Variants in RASSF6 observed in about 807,000 individuals in gnomAD.
RASSF6 encodes Ras association domain family member 6.
Under a neutral mutation model 44.0 loss-of-function variants are expected in RASSF6, and 52 were observed. The observed-to-expected ratio is 1.18, with a 90% CI of 0.95 to 1.49. The LOEUF (loss-of-function observed/expected upper bound fraction) is 1.49. Ranked by LOEUF, RASSF6 falls within the 40% of genes most tolerant of loss-of-function variation. The pLI, the probability that RASSF6 is intolerant of heterozygous loss-of-function variation, is 0.00. For synonymous variants in RASSF6, 162 were observed against 124.6 expected, an observed-to-expected ratio of 1.30 and a Z score of -2.00; for missense variants, 464 against 393.3, an observed-to-expected ratio of 1.18 and a Z score of -1.52.
At chr4:73,612,923 A>G (rs1215155815) in intron 1 of RASSF6, among the ~76,000 whole-genome samples, 2 of 152,126 alleles carry the variant, frequency 1.3e-5, no homozygotes, top group Admixed American at 6.5e-5. Flanking sequence ...CTTCAACACC[A>G]GGCCTTGTAA....
In RASSF6 at chr4:73,585,223, T is replaced by C. The variant is rs1394102721; in HGVS notation, c.524A>G (p.Gln175Arg). ...KPLMMDRKER[Q>R]KNRASINGHF... is the part of the protein sequence containing the mutation. Reference sequence around the variant, plus strand: ...TCCATTAATAGAGGCTCTATTTTTCTGTCTTTCTTTTCTGTCCATCATCAG... The same window carrying C: ...TCCATTAATAGAGGCTCTATTTTTCCGTCTTTCTTTTCTGTCCATCATCAG... Residue 175 changes from glutamine to arginine, a missense_variant, in exon 6 of 11, where the codon CAG becomes CGG. By Grantham distance (43) the Gln-to-Arg change is conservative. Transcript: ENST00000307439. 6.2e-7 allele frequency: 1 copy of C among 1,611,692 alleles called. No individual in the cohort carries two copies. The highest frequency in any genetic ancestry group is 1.7e-5 in the Admixed American group (1 of 59,672).
intron 4 of RASSF6, among the ~76,000 whole-genome samples, chr4:73,589,188 C>A (rs1724340016): frequency 6.6e-6 from 1 of 152,084 alleles, no homozygotes; most frequent in Non-Finnish European, 1.5e-5. Flanking sequence ...TTCCAGCAAG[C>A]TGTACTATTC....
chr4:73,588,043 G>A, intron 4 of RASSF6, 109 bp from the exon 5 acceptor site: 2 of 585,220 alleles, frequency 3.4e-6, no homozygotes, highest in South Asian at 3.0e-5. Context: ...CTCTGTAGGT[G>A]GATATATTGT....
rs1414293084 is a variant in RASSF6, at chr4:73,572,135, G to A, written c.*4100C>T. 6.6e-6 allele frequency: 1 copy of A among 152,178 alleles called. No individual in the cohort carries two copies. Among genetic ancestry groups the A allele is most frequent in the African/African-American group, 2.4e-5 (1 of 41,426 alleles). The allele number at this position is 152,178 out of a possible 1,614,324, so 9.4% of individuals were successfully genotyped here. A position where few individuals can be genotyped will look rare whatever the true frequency, so the allele number is the denominator to read the frequency against. On this transcript the variant is annotated 3_prime_UTR_variant, in exon 11 of 11. Transcript: ENST00000307439. ...GCTGCAGTCATCTGAAGGCTTGACT[G>A]AGGCTGGAAGATCTACTTCTAAAAT... is the stretch of plus-strand genomic sequence containing the variant.
intron 3 of RASSF6, 40 bp downstream of exon 3, chr4:73,598,600 G>T: frequency 1.0e-6 from 1 of 978,738 alleles, no homozygotes; most frequent in Non-Finnish European, 1.6e-6. Flanking sequence ...GCATGTGTGT[G>T]TGTGAATAAC....
chr4:73,584,007 C>G (rs1292479391), intron 6 of RASSF6, among the ~76,000 whole-genome samples: 1 of 152,090 alleles, frequency 6.6e-6, no homozygotes, highest in Non-Finnish European at 1.5e-5. Flanking sequence ...TTCTTCAACA[C>G]AAATTACCCC....
intron 3 of RASSF6, among the ~76,000 whole-genome samples, chr4:73,595,014 A>G (rs760578724): frequency 6.6e-6 from 1 of 152,196 alleles, no homozygotes; most frequent in African/African-American, 2.4e-5. Flanking sequence ...ATAAAGCCAC[A>G]TATTGTCATC....
rs1578008419 is a variant in RASSF6 at position 73,573,344 on chromosome 4, T to A, written c.*2891A>T. ...GGTTTCACCATGTTGGCCAGGCTGG[T>A]CTCGAAATCCCAACCTCAAGTGATC... On this transcript the variant is annotated 3_prime_UTR_variant, in exon 11 of 11. Coordinates refer to ENST00000307439, the MANE Select transcript of RASSF6 (RefSeq NM_177532.5). The A allele has an allele frequency of 6.6e-6, 1 of 152,160 alleles. No individual in the cohort carries two copies. Among genetic ancestry groups the A allele is most frequent in the Non-Finnish European group, 1.5e-5 (1 of 68,050 alleles). The allele number at this position is 152,160 out of a possible 1,614,324, so 9.4% of individuals were successfully genotyped here.
At chr4:73,615,889 AC>A (rs1726322722) in intron 1 of RASSF6, 8 of 1,550,324 alleles carry the variant, frequency 5.2e-6, no homozygotes, top group Non-Finnish European at 7.0e-6. Flanking sequence ...GCCTGGACTT[AC>A]CAGTTGCCTT....
chr4:73,619,515 T>C (rs750759388), intron 1 of RASSF6, among the ~76,000 whole-genome samples: 1 of 152,178 alleles, frequency 6.6e-6, no homozygotes, highest in Non-Finnish European at 1.5e-5. Context: ...TTCTTAATGC[T>C]AACAGTAGGT....
At chr4:73,588,578 T>G (rs1213360557) in intron 4 of RASSF6, among the ~76,000 whole-genome samples, 2 of 152,068 alleles carry the variant, frequency 1.3e-5, no homozygotes, top group Admixed American at 1.3e-4. Context: ...AATTTTATTT[T>G]ATTTATCTGG....
intron 2 of RASSF6, 122 bp from the exon 3 acceptor site, chr4:73,598,840 G>A: frequency 2.0e-6 from 1 of 496,988 alleles, no homozygotes; most frequent in Non-Finnish European, 3.5e-6. Flanking sequence ...TTACTGTTCT[G>A]TCACTTTAAC....
intron 1 of RASSF6, among the ~76,000 whole-genome samples, chr4:73,613,055 C>T (rs1291721043): frequency 6.6e-5 from 10 of 152,318 alleles, no homozygotes; most frequent in Admixed American, 6.5e-4. Context: ...ATCTTAAAGT[C>T]TCCCCATGTC....
intron 2 of RASSF6, 102 bp downstream of exon 2, chr4:73,611,629 T>C: frequency 1.5e-6 from 1 of 656,344 alleles, no homozygotes; most frequent in Admixed American, 2.2e-5. Flanking sequence ...TGATTCATAT[T>C]ATTGATCTTG....
intron 4 of RASSF6, among the ~76,000 whole-genome samples, chr4:73,590,519 T>C (rs1280563507): frequency 6.6e-6 from 1 of 152,208 alleles, no homozygotes; most frequent in Non-Finnish European, 1.5e-5. Context: ...TTAAAATAGA[T>C]GTTATCTTAA....
chr4:73,618,520 A>G (rs1053563339), intron 1 of RASSF6, among the ~76,000 whole-genome samples: 3 of 152,280 alleles, frequency 2.0e-5, no homozygotes, highest in Middle Eastern at 3.4e-3. Context: ...GCATAAAAGC[A>G]TATTTCCTCT....
intron 1 of RASSF6, among the ~76,000 whole-genome samples, chr4:73,617,434 T>C (rs1390031066): frequency 6.6e-6 from 1 of 152,256 alleles, no homozygotes; most frequent in African/African-American, 2.4e-5. Flanking sequence ...CGCTGCTCAG[T>C]CTGCCGACAG....
chr4:73,584,147 T>C (rs537087533), intron 6 of RASSF6, among the ~76,000 whole-genome samples: 3 of 152,220 alleles, frequency 2.0e-5, no homozygotes, highest in African/African-American at 2.4e-5. Flanking sequence ...AAAATTCTGA[T>C]ATGAATAAAT....
intron 4 of RASSF6, among the ~76,000 whole-genome samples, chr4:73,590,270 T>TA (rs2149377037): frequency 6.6e-6 from 1 of 152,256 alleles, no homozygotes; most frequent in African/African-American, 2.4e-5. Flanking sequence ...ATAATTAAAC[T>TA]AATGTGACAA....
Sources: gnomAD v4.1 joint callset for allele counts (sites outside exome capture counted in the v4.1 genomes callset) on GRCh38, gnomAD v4.1.1 for gene constraint, MANE v1.5 for transcripts, NCBI Gene and HGNC (gene_info 2026-07-23, HGNC 2026-07-21) for gene names.